The following ROBO3 variants were observed in gnomAD, a reference collection of about 807,000 sequenced individuals.
ROBO3 encodes roundabout homolog 3.
ROBO3 carries 97 observed loss-of-function variants against 160.5 expected under a neutral mutation model. That is an observed-to-expected ratio of 0.60 (90% CI 0.51 to 0.72). The LOEUF (loss-of-function observed/expected upper bound fraction) is 0.72. Ranked by LOEUF, ROBO3 falls within the 30% of genes least tolerant of loss-of-function variation. ROBO3 has a pLI of 0.00. For missense variants in ROBO3, 1,858 were observed against 1,846.5 expected, an observed-to-expected ratio of 1.01 and a Z score of -0.11; for synonymous variants, 780 against 746.2, an observed-to-expected ratio of 1.05 and a Z score of -0.74.
chr11:124,869,441 C>CCCCCCCCCCA lies in ROBO3; in HGVS notation c.488-7_488-6insCCCCCCCACC. 8 of 1,482,020 alleles carry CCCCCCCCCCA rather than the reference C, an allele frequency of 5.4e-6. No individual in the cohort carries two copies. Among genetic ancestry groups the CCCCCCCCCCA allele is most frequent in the Non-Finnish European group, 7.4e-6 (8 of 1,085,128 alleles). 91.8% of individuals were successfully genotyped at this position (1,482,020 alleles called of 1,614,324 possible). On this transcript the variant is annotated splice_polypyrimidine_tract_variant and intron_variant, in intron 2 of 27. Coordinates refer to ENST00000397801, the MANE Select transcript of ROBO3 (RefSeq NM_022370.4). This position sits in a 1 kb window ranked among gnomAD's most constrained non-coding sequence, Gnocchi z 4.2. ...CCCTGCTTATTTCGCCCCCCACCGC[C>CCCCCCCCCCA]CCGCCCAGTCCTCCGTGATGATTTC... is the stretch of plus-strand genomic sequence containing the variant.
In ROBO3 at chr11:124,876,627, G is replaced by A; in HGVS notation, c.2779+167G>A. On this transcript the variant is annotated intron_variant, in intron 17 of 27. Coordinates refer to ENST00000397801, the MANE Select transcript of ROBO3 (RefSeq NM_022370.4). The surrounding 1 kb of genome is among the most constrained non-coding windows in gnomAD (Gnocchi z 5.3). ...CGGGATACGTGGGGCGACTCGAGGA[G>A]CTGCCAGGACTAGGGAGGGCTGCGG... is the stretch of plus-strand genomic sequence containing the variant. The A allele has an allele frequency of 1.8e-6, 1 of 557,344 alleles. No individual in the cohort carries two copies. Among genetic ancestry groups the A allele is most frequent in the Non-Finnish European group, 2.9e-6 (1 of 347,988 alleles). The allele number at this position is 557,344 out of a possible 1,614,324, so 34.5% of individuals were successfully genotyped here.
chr11:124,877,854 C>T (rs963229562), intron 20 of ROBO3, 83 bp from the exon 21 acceptor site: 3 of 1,204,500 alleles, frequency 2.5e-6, no homozygotes, highest in Admixed American at 4.1e-5. Context: ...AAGTTGATCC[C>T]GTGGGATTTC....
Position 124,874,794 on chromosome 11 carries a change from G to T in ROBO3, c.1958G>T (p.Ser653Ile). Reference protein sequence around the residue: ...VSEPVRTQDSSPSRPVEDPWR... With the variant: ...VSEPVRTQDSIPSRPVEDPWR... ...TGGGTTCCTTGGTCAACAGATAGCA[G>T]CCCCTCTAGGCCAGTGGAGGACCCA... Residue 653 changes from serine to isoleucine, a missense_variant, in exon 13 of 28, where the codon AGC (serine) becomes ATC (isoleucine). Coordinates refer to ENST00000397801, the MANE Select transcript of ROBO3 (RefSeq NM_022370.4). The T allele has an allele frequency of 6.2e-7, 1 of 1,605,288 alleles. No homozygotes were observed. Among genetic ancestry groups the T allele is most frequent in the Non-Finnish European group, 8.5e-7 (1 of 1,176,070 alleles).
In ROBO3 at chr11:124,871,056, C is replaced by T. The variant is rs1288263572; in HGVS notation, c.1076C>T (p.Ala359Val). The change falls in exon 7 of 28, where the codon GCT (alanine) becomes GTT (valine). Residue 359 changes from alanine to valine, a missense_variant. Ala to Val is a moderately conservative substitution (Grantham distance 64). Transcript: ENST00000397801. ...LVTQPQDQMA[A>V]PGESVAFQCE... ...ACCCAGCCCCAGGACCAGATGGCAG[C>T]TCCTGGAGAGAGCGTGGCTTTCCAG... 1 of 1,613,658 alleles carries T rather than the reference C, an allele frequency of 6.2e-7. No individual in the cohort carries two copies. The highest frequency in any genetic ancestry group is 8.5e-7 in the Non-Finnish European group (1 of 1,179,574).
Position 124,873,665 on chromosome 11 carries a change from T to C in ROBO3, c.1619-32T>C, listed in dbSNP as rs1428172950. 4.2e-5 allele frequency: 67 copies of C among 1,578,512 alleles called. No homozygotes were observed. Among genetic ancestry groups the C allele is most frequent in the Non-Finnish European group, 5.6e-5 (65 of 1,160,630 alleles). ...TTACACTAGGATTATCCTTTCCCTATCTTTCTACTTAAAGATTATCTCCCA... is the reference window on the plus strand; with the variant it reads ...TTACACTAGGATTATCCTTTCCCTACCTTTCTACTTAAAGATTATCTCCCA... On this transcript the variant is annotated intron_variant, in intron 10 of 27. Coordinates refer to ENST00000397801, the MANE Select transcript of ROBO3 (RefSeq NM_022370.4). The surrounding 1 kb of genome is among the most constrained non-coding windows in gnomAD (Gnocchi z 4.5).
At chr11:124,879,421 T>C (rs1276439702) in intron 24 of ROBO3, 44 bp from the exon 25 acceptor site, 1 of 1,609,206 alleles carries the variant, frequency 6.2e-7, no homozygotes, top group African/African-American at 1.3e-5. Flanking sequence ...TTTTTCCTGA[T>C]TTTTGCCCTT....
intron 12 of ROBO3, 137 bp from the exon 13 acceptor site, chr11:124,874,651 C>A: frequency 9.4e-7 from 1 of 1,069,016 alleles, no homozygotes; most frequent in Non-Finnish European, 1.3e-6. Context: ...AGCTATTTTC[C>A]TGACCAGTCC....
Position 124,875,241 on chromosome 11 carries a change from C to G in ROBO3, c.2204C>G (p.Pro735Arg), listed in dbSNP as rs1157316975. The G allele has an allele frequency of 6.2e-7, 1 of 1,613,674 alleles. No individual in the cohort carries two copies. Among genetic ancestry groups the G allele is most frequent in the African/African-American group, 1.3e-5 (1 of 74,866 alleles). The change falls in exon 14 of 28, where the codon CCT becomes CGT. Residue 735 changes from proline (P) to arginine (R), a missense_variant. Transcript: ENST00000397801. ...CAAAGTACTGTGCTAAGAGGACTCC[C>G]TCCAGGGACCCAAATCCAGATCAAG... ...SQQSTVLRGL[P>R]PGTQIQIKVQ...
chr11:124,868,985 G>T lies in ROBO3; in HGVS notation c.344G>T (p.Arg115Leu), dbSNP rs760670403. The change falls in exon 2 of 28, where the codon CGC (arginine) becomes CTC (leucine). Residue 115 changes from arginine (R) to leucine (L), a missense_variant. Arg to Leu is a moderately radical substitution (Grantham distance 102, BLOSUM62 -2). Transcript: ENST00000397801. ...GTGCGGGAGGATCCGCGTGCGCACC[G>T]CCTGCTGCTGCCCAGCGGCGCCCTC... ...ATVREDPRAHRLLLPSGALFF... is the reference protein window; with the variant it reads ...ATVREDPRAHLLLLPSGALFF... 2 of 1,599,966 alleles carry T rather than the reference G, an allele frequency of 1.3e-6. No individual in the cohort carries two copies. The highest frequency in any genetic ancestry group is 1.7e-6 in the Non-Finnish European group (2 of 1,174,332).
chr11:124,868,134 A>C (rs185947384), intron 1 of ROBO3, among the ~76,000 whole-genome samples: 29 of 152,308 alleles, frequency 1.9e-4, no homozygotes, highest in African/African-American at 6.5e-4. Flanking sequence ...TAACATTTCT[A>C]CTGCTATTTG....
At chr11:124,866,356 A>G (rs750615821) in intron 1 of ROBO3, among the ~76,000 whole-genome samples, 9 of 152,124 alleles carry the variant, frequency 5.9e-5, no homozygotes, top group Non-Finnish European at 8.8e-5. Context: ...ACCGCTAATT[A>G]CGGTGATTAA....
Position 124,873,228 on chromosome 11 carries a change from C to A in ROBO3, c.1537-82C>A. 1.4e-6 allele frequency: 2 copies of A among 1,435,276 alleles called. No homozygotes were observed. Among genetic ancestry groups the A allele is most frequent in the East Asian group, 2.4e-5 (1 of 41,742 alleles). The allele number at this position is 1,435,276 out of a possible 1,614,324, so 88.9% of individuals were successfully genotyped here. ...AGAGCACCTAGTATCCAACATCTTC[C>A]CATCCTTCTGCTACCCGCCTCCACC... On this transcript the variant is annotated intron_variant, in intron 9 of 27. Transcript: ENST00000397801. This position sits in a 1 kb window ranked among gnomAD's most constrained non-coding sequence, Gnocchi z 4.5.
At position 124,879,831 on chromosome 11, in the gene ROBO3, T is replaced by G. The variant is rs758100005; in HGVS notation, c.3841T>G (p.Trp1281Gly). Reference sequence around the variant, plus strand: ...GCCACCGCCAGAGGAAGAGGCGAGCTGGGCCCTAGAGCTGAGGGCAGCAGG... The same window carrying G: ...GCCACCGCCAGAGGAAGAGGCGAGCGGGGCCCTAGAGCTGAGGGCAGCAGG... ...PLPPPEEEAS[W>G]ALELRAAGSM... Residue 1281 changes from tryptophan (W) to glycine (G), a missense_variant, in exon 26 of 28, where the codon TGG becomes GGG. Coordinates refer to ENST00000397801, the MANE Select transcript of ROBO3 (RefSeq NM_022370.4). 1.2e-6 allele frequency: 2 copies of G among 1,613,852 alleles called. No homozygotes were observed. Among genetic ancestry groups the G allele is most frequent in the Non-Finnish European group, 1.7e-6 (2 of 1,179,828 alleles).
Position 124,879,496 on chromosome 11 carries a change from TCCC to T in ROBO3, c.3720_3722del (p.Pro1241del). 1 of 1,613,640 alleles carries T rather than the reference TCCC, an allele frequency of 6.2e-7. No individual in the cohort carries two copies. Among genetic ancestry groups the T allele is most frequent in the Non-Finnish European group, 8.5e-7 (1 of 1,179,794 alleles). ...CCTGGCAGGGGAATGGGGAGATGACTCCCCCACTTCAAGGACCCCGTGCTCGAT... is the reference window on the plus strand; with the variant it reads ...CCTGGCAGGGGAATGGGGAGATGACTCCACTTCAAGGACCCCGTGCTCGAT... On this transcript the variant is annotated inframe_deletion, in exon 25 of 28. Coordinates refer to ENST00000397801, the MANE Select transcript of ROBO3 (RefSeq NM_022370.4).
intron 19 of ROBO3, 39 bp downstream of exon 19, chr11:124,877,348 C>G (rs1452396051): frequency 6.2e-7 from 1 of 1,611,606 alleles, no homozygotes. Flanking sequence ...TGACCTCCAC[C>G]GACAGGCCAC....
At chr11:124,866,347 C>G (rs566173963) in intron 1 of ROBO3, among the ~76,000 whole-genome samples, 91 of 152,338 alleles carry the variant, frequency 6.0e-4, no homozygotes, top group African/African-American at 2.1e-3. Context: ...GAGGTCGTTA[C>G]CGCTAATTAC....
In ROBO3 at chr11:124,881,318, C is replaced by G. The variant is rs886047914; in HGVS notation, c.*68C>G. ...GGGGAGTAGGGATGTCTTTTCCCCC[C>G]CAGCAGTGATGAGTGGGGCTAGCTG... is the stretch of plus-strand genomic sequence containing the variant. On this transcript the variant is annotated 3_prime_UTR_variant, in exon 28 of 28. Coordinates refer to ENST00000397801, the MANE Select transcript of ROBO3 (RefSeq NM_022370.4). The G allele has an allele frequency of 1.9e-4, 280 of 1,488,488 alleles. No individual in the cohort carries two copies. In the East Asian group the frequency reaches 3.0e-3, roughly 16 times the overall value. The allele number at this position is 1,488,488 out of a possible 1,614,324, so 92.2% of individuals were successfully genotyped here. A position where few individuals can be genotyped will look rare whatever the true frequency, so the allele number is the denominator to read the frequency against.
chr11:124,875,206 C>A lies in ROBO3; in HGVS notation c.2169C>A (p.Ser723=). Residue 723 remains serine (S), a synonymous_variant, in exon 14 of 28, where the codon TCC becomes TCA. Coordinates refer to ENST00000397801, the MANE Select transcript of ROBO3 (RefSeq NM_022370.4). ...GGSWTMLDLQ[S]PSQQSTVLRG... is the part of the protein sequence containing the mutation. Reference sequence around the variant, plus strand: ...GCTGGACAATGTTGGACCTACAGTCCCCAAGCCAGCAAAGTACTGTGCTAA... The same window carrying A: ...GCTGGACAATGTTGGACCTACAGTCACCAAGCCAGCAAAGTACTGTGCTAA... 1 of 1,613,758 alleles carries A rather than the reference C, an allele frequency of 6.2e-7. No homozygotes were observed. The highest frequency in any genetic ancestry group is 8.5e-7 in the Non-Finnish European group (1 of 1,179,850).
rs202237199 is a variant in ROBO3, at chr11:124,873,839, G to C, written c.1761G>C (p.Thr587=). 6.2e-7 allele frequency: 1 copy of C among 1,613,464 alleles called. No homozygotes were observed. Among genetic ancestry groups the C allele is most frequent in the East Asian group, 2.2e-5 (1 of 44,874 alleles). ...KPNPQTGAAV[T]SYVIEAFSPA... Reference sequence around the variant, plus strand: ...ACCCACAAACTGGGGCTGCAGTCACGTCTTATGTGATAGAGGCCTTCAGGT... The same window carrying C: ...ACCCACAAACTGGGGCTGCAGTCACCTCTTATGTGATAGAGGCCTTCAGGT... The change falls in exon 11 of 28, where the codon ACG becomes ACC. Residue 587 remains threonine, a synonymous_variant. Coordinates refer to ENST00000397801, the MANE Select transcript of ROBO3 (RefSeq NM_022370.4). The surrounding 1 kb of genome is among the most constrained non-coding windows in gnomAD (Gnocchi z 4.5).
Sources: gnomAD v4.1 joint callset for allele counts (sites outside exome capture counted in the v4.1 genomes callset) on GRCh38, gnomAD v4.1.1 for gene constraint, Gnocchi (gnomAD v3.1) non-coding constraint, MANE v1.5 for transcripts, NCBI Gene and HGNC (gene_info 2026-07-23, HGNC 2026-07-21) for gene names.